C9orf57: variants seen among roughly 807,000 people sequenced by gnomAD.
C9orf57 encodes the protein chromosome 9 open reading frame 57.
A neutral mutation model predicts 12.9 loss-of-function variants in C9orf57; 12 were observed. That is an observed-to-expected ratio of 0.93 (90% CI 0.60 to 1.51). The LOEUF (loss-of-function observed/expected upper bound fraction) is 1.51, where lower values mean the gene tolerates loss of function less well. Among genes scored for constraint, C9orf57 ranks in the 40% most tolerant of loss-of-function variants. The probability of loss-of-function intolerance (pLI) is 0.00; values close to 1 mark genes in which losing one functional copy is unlikely to be tolerated. For missense variants in C9orf57, 141 were observed against 162.8 expected (o/e 0.87, Z 0.73); for synonymous variants, 49 against 57.1 (o/e 0.86, Z 0.64).
At chr9:72,054,260 A>T (rs1161878394) in intron 4 of C9orf57, among the ~76,000 whole-genome samples, 1 of 152,238 alleles carries the variant, frequency 6.6e-6, no homozygotes, top group African/African-American at 2.4e-5. Context: ...GGTTTCCCAA[A>T]GTGCTGGGAT....
Position 72,056,126 on chromosome 9 carries a change from T to A in C9orf57, c.228A>T (p.Gly76=), listed in dbSNP as rs1378140020. 7.1e-6 allele frequency: 11 copies of A among 1,551,366 alleles called. No homozygotes were observed. The highest frequency in any genetic ancestry group is 9.6e-6 in the Non-Finnish European group (11 of 1,146,734). Residue 76 remains glycine, a synonymous_variant, in exon 4 of 5, where the codon GGA becomes GGT. Coordinates refer to ENST00000651200, the MANE Select transcript of C9orf57 (RefSeq NM_001128618.2). The part of the protein sequence containing the change: ...LPFHGCLLDL[G]TCQAEPGQYC... ...ACTGACCAGGTTCTGCCTGGCAGGT[T>A]CCCAGGTCTAAAAGACATCCATGGA...
chr9:72,057,871 C>A (rs1252256748), intron 2 of C9orf57, among the ~76,000 whole-genome samples: 1 of 152,036 alleles, frequency 6.6e-6, no homozygotes, highest in South Asian at 2.1e-4. Flanking sequence ...AAATATTATT[C>A]ATTTTGTTTA....
chr9:72,059,615 G>A (rs950848117), intron 1 of C9orf57, among the ~76,000 whole-genome samples: 1 of 152,192 alleles, frequency 6.6e-6, no homozygotes, highest in African/African-American at 2.4e-5. Flanking sequence ...GAGGTCAGGA[G>A]TTCAAGACCA....
intron 4 of C9orf57, among the ~76,000 whole-genome samples, chr9:72,053,748 TCTC>T (rs1824129981): frequency 6.6e-6 from 1 of 152,196 alleles, no homozygotes. Flanking sequence ...CTAATTTTGA[TCTC>T]CTCTAATTTT....
intron 2 of C9orf57, among the ~76,000 whole-genome samples, 152 bp from the exon 3 acceptor site, chr9:72,056,995 C>T (rs1423918125): frequency 5.3e-5 from 8 of 151,554 alleles, no homozygotes; most frequent in Non-Finnish European, 8.8e-5. Context: ...CTGCAACCTC[C>T]GCTTCCCAGG....
Position 72,052,356 on chromosome 9 carries a change from A to G in C9orf57, c.360T>C (p.Ile120=), listed in dbSNP as rs1240855818. ...TAGTTACAAGTTCATGCAGTTGCAG[A>G]ATTCTCTTGACGAGAGTACTCTTGA... ...ECFKSTLVKR[I]LQLHELVTTH... Residue 120 remains isoleucine (I), a synonymous_variant, in exon 5 of 5, where the codon ATT becomes ATC. Transcript: ENST00000651200. 3 of 1,551,874 alleles carry G rather than the reference A, an allele frequency of 1.9e-6. No homozygotes were observed. The East Asian group carries it at 7.3e-5, about 38-fold the overall frequency.
rs1330958009 is a variant in C9orf57 at position 72,059,325 on chromosome 9, T to C, written c.7A>G (p.Arg3Gly). The C allele has an allele frequency of 6.4e-7, 1 of 1,551,648 alleles. No homozygotes were observed. Among genetic ancestry groups the C allele is most frequent in the African/African-American group, 1.4e-5 (1 of 73,018 alleles). MRRIVFAGVILFR... is the reference protein window; with the variant it reads MRGIVFAGVILFR... ...AAGATAACACCAGCAAAAACAATCC[T>C]TCTCATTCTGATTTCCAAGCCGAAA... Residue 3 changes from arginine to glycine, a missense_variant, in exon 2 of 5, where the codon AGG becomes GGG. Transcript: ENST00000651200.
intron 2 of C9orf57, among the ~76,000 whole-genome samples, 171 bp downstream of exon 2, chr9:72,059,064 A>G (rs1191948108): frequency 6.6e-6 from 1 of 152,066 alleles, no homozygotes; most frequent in Non-Finnish European, 1.5e-5. Flanking sequence ...TTTGGTAGAG[A>G]CAGGGTTTCT....
chr9:72,054,152 CCA>C, intron 4 of C9orf57, among the ~76,000 whole-genome samples: 1 of 152,314 alleles, frequency 6.6e-6, no homozygotes, highest in African/African-American at 2.4e-5. Context: ...GCATGCGCCA[CCA>C]CACCCGGCTA....
chr9:72,060,427 A>C (rs10869090), intron 1 of C9orf57, 70 bp downstream of exon 1: 20 of 793,438 alleles, frequency 2.5e-5, no homozygotes, highest in Non-Finnish European at 4.1e-5. Context: ...GATAGTTAAT[A>C]CTTATTAAAA....
intron 1 of C9orf57, 115 bp downstream of exon 1, chr9:72,060,382 T>G (rs1824310277): frequency 1.5e-6 from 1 of 661,940 alleles, no homozygotes. Flanking sequence ...CAAAAGACCT[T>G]ATTTATGAGG....
At chr9:72,054,589 A>ATTG (rs1213171214) in intron 4 of C9orf57, among the ~76,000 whole-genome samples, 2 of 152,110 alleles carry the variant, frequency 1.3e-5, no homozygotes, top group Non-Finnish European at 2.9e-5. Context: ...AAAATATTAT[A>ATTG]TTGTTTTCAT....
At chr9:72,057,225 G>C (rs1163731581) in intron 2 of C9orf57, among the ~76,000 whole-genome samples, 1 of 150,350 alleles carries the variant, frequency 6.7e-6, no homozygotes, top group Non-Finnish European at 1.5e-5. Context: ...AAAACCTAAC[G>C]TAAATTATTA....
intron 4 of C9orf57, among the ~76,000 whole-genome samples, chr9:72,054,724 T>C (rs1325380898): frequency 6.6e-6 from 1 of 152,088 alleles, no homozygotes; most frequent in African/African-American, 2.4e-5. Flanking sequence ...CTCTTGATTG[T>C]TGGTCTTTTT....
At position 72,052,763 on chromosome 9, in the gene C9orf57, C is replaced by T. The variant is rs532045970; in HGVS notation, c.281-328G>A. Among the ~76,000 whole-genome samples the T allele has an allele frequency of 2.0e-4, 31 of 152,246 alleles. No homozygotes were observed. The South Asian group carries it at 5.8e-3, about 29-fold the overall frequency. On this transcript the variant is annotated intron_variant, in intron 4 of 4. Coordinates refer to ENST00000651200, the MANE Select transcript of C9orf57 (RefSeq NM_001128618.2). Reference sequence around the variant, plus strand: ...TGTTTTGAAGCTTCCTGATAATCATCCCCCAGTTTTATCCAGGTTGTGAGT... The same window carrying T: ...TGTTTTGAAGCTTCCTGATAATCATTCCCCAGTTTTATCCAGGTTGTGAGT...
intron 4 of C9orf57, among the ~76,000 whole-genome samples, chr9:72,054,308 AT>A (rs1824143178): frequency 1.3e-5 from 2 of 152,342 alleles, no homozygotes; most frequent in South Asian, 4.1e-4. Flanking sequence ...TATTTAGGTC[AT>A]TTATATTACT....
In C9orf57 at chr9:72,059,272, G is replaced by T. The variant is rs143472146; in HGVS notation, c.60C>A (p.Phe20Leu). 281 of 1,551,464 alleles carry T rather than the reference G, an allele frequency of 1.8e-4. 2 individuals carry two copies. In the African/African-American group the frequency reaches 3.7e-3, roughly 20 times the overall value. ...CGAATAAGATAACACCTAAGAGGCG[G>T]AATAAGATAACACCTAAGAGGCGGA... ...ILFRLLGVILFRLLGVILFGR... is the reference protein window; with the variant it reads ...ILFRLLGVILLRLLGVILFGR... The change falls in exon 2 of 5, where the codon TTC (phenylalanine) becomes TTA (leucine). Residue 20 changes from phenylalanine (F) to leucine (L), a missense_variant. Physicochemically the swap from Phe to Leu is conservative, Grantham distance 22 (BLOSUM62 0). Transcript: ENST00000651200.
intron 4 of C9orf57, among the ~76,000 whole-genome samples, chr9:72,055,474 G>C (rs1196384165): frequency 6.8e-6 from 1 of 147,776 alleles, no homozygotes; most frequent in African/African-American, 2.5e-5. Context: ...GTTCAGGCTA[G>C]AGTGTAGTGG....
chr9:72,052,245 A>C lies in C9orf57; in HGVS notation c.*51T>G, dbSNP rs1348548634. The C allele has an allele frequency of 2.6e-6, 4 of 1,538,110 alleles. No homozygotes were observed. The highest frequency in any genetic ancestry group is 3.5e-6 in the Non-Finnish European group (4 of 1,140,194). ...GCCATCATTTTGTGATAGCCAGGTC[A>C]GGCTTCGAGACTGATTGATCTGCCA... is the stretch of plus-strand genomic sequence containing the variant. On this transcript the variant is annotated 3_prime_UTR_variant, in exon 5 of 5. Transcript: ENST00000651200.
Sources: allele counts gnomAD v4.1 joint callset (sites outside exome capture counted in the v4.1 genomes callset), GRCh38; gene constraint gnomAD v4.1.1; transcripts MANE v1.5; gene names NCBI Gene and HGNC (gene_info 2026-07-23, HGNC 2026-07-21).